The following RBFOX1 variants were observed in gnomAD, a reference collection of about 807,000 sequenced individuals.
RBFOX1 encodes RNA binding protein fox-1 homolog 1.
In RBFOX1, 8 loss-of-function variants were observed where a neutral mutation model predicts 57.7. That is an observed-to-expected ratio of 0.14 (90% CI 0.08 to 0.25). The LOEUF (loss-of-function observed/expected upper bound fraction) is 0.25. Ranked by LOEUF, RBFOX1 falls within the 10% of genes least tolerant of loss-of-function variation. The pLI is 1.00. For synonymous variants in RBFOX1, 326 were observed against 222.4 expected (o/e 1.47, Z -4.15); for missense variants, 611 against 548.5 (o/e 1.11, Z -1.14).
chr16:7,707,592 G>A (rs777019555), intron 14 of RBFOX1, among the ~76,000 whole-genome samples: 2 of 152,168 alleles, frequency 1.3e-5, no homozygotes, highest in Non-Finnish European at 2.9e-5. Flanking sequence ...TGCTGTGAAT[G>A]TTGGTTGCTA....
chr16:5,528,851 T>A (rs2044349797), intron 2 of RBFOX1, among the ~76,000 whole-genome samples: 1 of 152,150 alleles, frequency 6.6e-6, no homozygotes. Flanking sequence ...GGTTTCACCA[T>A]GTTGGTTAAG....
At chr16:6,976,022 G>C (rs1568176895) in intron 3 of RBFOX1, among the ~76,000 whole-genome samples, 1 of 152,120 alleles carries the variant, frequency 6.6e-6, no homozygotes, top group Non-Finnish European at 1.5e-5. Flanking sequence ...AGCTATTTGA[G>C]AGGCTGAGGG....
At chr16:6,520,326 A>G (rs2096474250) in intron 2 of RBFOX1, among the ~76,000 whole-genome samples, 1 of 152,196 alleles carries the variant, frequency 6.6e-6, no homozygotes, top group South Asian at 2.1e-4. Context: ...TAGAACTACA[A>G]AATCCTTGTG....
intron 2 of RBFOX1, among the ~76,000 whole-genome samples, chr16:6,485,736 G>A (rs563545222): frequency 6.6e-6 from 1 of 151,942 alleles, no homozygotes; most frequent in Admixed American, 6.6e-5. Flanking sequence ...CCAAATTGAG[G>A]GTTTATACGA....
chr16:5,877,962 G>A lies in RBFOX1; in HGVS notation c.351+10627G>A, dbSNP rs540133584. 6.6e-4 allele frequency among the ~76,000 whole-genome samples: 101 copies of A among 152,230 alleles called. 1 individual carries two copies. The highest frequency in any genetic ancestry group is 6.8e-3 in the Middle Eastern group (2 of 294). On this transcript the variant is annotated intron_variant, in intron 4 of 19. Transcript: ENST00000641259. ...AGTCCTCAATTTGGTCCAGTGTCTC[G>A]GCTCCACCTCCAGAGTTGAGTCCCA...
intron 1 of RBFOX1, among the ~76,000 whole-genome samples, chr16:5,309,099 T>C (rs2064014668): frequency 6.6e-6 from 1 of 152,224 alleles, no homozygotes; most frequent in Non-Finnish European, 1.5e-5. Context: ...TTAAAATCTG[T>C]CTTTAATAAG....
intron 4 of RBFOX1, among the ~76,000 whole-genome samples, chr16:7,390,254 T>C (rs1358646706): frequency 6.6e-6 from 1 of 152,088 alleles, no homozygotes; most frequent in Admixed American, 6.6e-5. Context: ...GACATGAGAT[T>C]TGGGGAGGGA....
chr16:6,113,661 G>T (rs746081120), intron 1 of RBFOX1, among the ~76,000 whole-genome samples: 2 of 152,230 alleles, frequency 1.3e-5, no homozygotes, highest in Non-Finnish European at 2.9e-5. Context: ...GGACACCAGA[G>T]GGGTATGAGG....
chr16:5,898,985 C>T (rs750990183), intron 4 of RBFOX1, among the ~76,000 whole-genome samples: 1 of 151,318 alleles, frequency 6.6e-6, no homozygotes, highest in Non-Finnish European at 1.5e-5. Context: ...ATCACTTGAG[C>T]CCAGGAGACT....
At chr16:5,844,386 C>T (rs897440526) in intron 3 of RBFOX1, among the ~76,000 whole-genome samples, 6 of 152,190 alleles carry the variant, frequency 3.9e-5, no homozygotes, top group Non-Finnish European at 8.8e-5. Flanking sequence ...GTCTCCCATC[C>T]CACAAGGGTA....
chr16:6,479,558 A>G (rs2095337105), intron 2 of RBFOX1, among the ~76,000 whole-genome samples: 1 of 152,004 alleles, frequency 6.6e-6, no homozygotes, highest in African/African-American at 2.4e-5. Flanking sequence ...ACTGTACTCT[A>G]CCCTGGGTGA....
At chr16:6,407,001 C>A (rs1406165746) in intron 2 of RBFOX1, among the ~76,000 whole-genome samples, 1 of 152,024 alleles carries the variant, frequency 6.6e-6, no homozygotes, top group African/African-American at 2.4e-5. Flanking sequence ...TCTGGAGGTC[C>A]CAATGAGATA....
At chr16:7,667,760 C>G (rs2069875299) in intron 13 of RBFOX1, among the ~76,000 whole-genome samples, 1 of 152,114 alleles carries the variant, frequency 6.6e-6, no homozygotes, top group South Asian at 2.1e-4. Flanking sequence ...TGTCTGCAAC[C>G]TCTGCCCCCT....
intron 4 of RBFOX1, among the ~76,000 whole-genome samples, chr16:7,105,269 T>C (rs1215861481): frequency 6.7e-6 from 1 of 149,652 alleles, no homozygotes; most frequent in Non-Finnish European, 1.5e-5. Context: ...AATCTTTTTC[T>C]CTGGAACCAT....
intron 4 of RBFOX1, among the ~76,000 whole-genome samples, chr16:7,296,673 T>C (rs1258990967): frequency 1.3e-5 from 2 of 152,192 alleles, no homozygotes; most frequent in Non-Finnish European, 2.9e-5. Flanking sequence ...TTTGCTGCAA[T>C]GAATAGGCTC....
chr16:6,385,692 A>T (rs2092217662), intron 2 of RBFOX1, among the ~76,000 whole-genome samples: 1 of 152,190 alleles, frequency 6.6e-6, no homozygotes, highest in African/African-American at 2.4e-5. Context: ...TTCTAACACT[A>T]TTGGGAGAAC....
intron 2 of RBFOX1, among the ~76,000 whole-genome samples, chr16:6,520,030 T>C (rs1250487771): frequency 6.6e-6 from 1 of 152,166 alleles, no homozygotes; most frequent in East Asian, 1.9e-4. Context: ...TGAGAACTCA[T>C]GGGCATGTTT....
At chr16:6,855,122 C>T (rs761588547) in intron 3 of RBFOX1, among the ~76,000 whole-genome samples, 38 of 151,980 alleles carry the variant, frequency 2.5e-4, no homozygotes, top group Non-Finnish European at 1.8e-4. Flanking sequence ...TTGACAGATT[C>T]CAGCACTATA....
chr16:6,410,678 G>C, intron 2 of RBFOX1, among the ~76,000 whole-genome samples: 1 of 152,174 alleles, frequency 6.6e-6, no homozygotes, highest in East Asian at 1.9e-4. Context: ...TGATGTTGCT[G>C]CCTCTGGTGG....
Sources: gnomAD v4.1 joint callset for allele counts (sites outside exome capture counted in the v4.1 genomes callset) on GRCh38, gnomAD v4.1.1 for gene constraint, MANE v1.5 for transcripts, NCBI Gene and HGNC (gene_info 2026-07-23, HGNC 2026-07-21) for gene names.